Variants in STAB1 observed in about 807,000 individuals in gnomAD.
STAB1 encodes stabilin 1.
A neutral mutation model predicts 332.4 loss-of-function variants in STAB1; 250 were observed. The observed-to-expected ratio is 0.75, with a 90% CI of 0.68 to 0.84. STAB1 has a LOEUF of 0.84. Among genes scored for constraint, STAB1 ranks in the 40% least tolerant of loss-of-function variants. The pLI, the probability that STAB1 is intolerant of heterozygous loss-of-function variation, is 0.00. For missense variants in STAB1, 3,249 were observed against 3,489.7 expected, an observed-to-expected ratio of 0.93 and a Z score of 1.74; for synonymous variants, 1,475 against 1,390.4, an observed-to-expected ratio of 1.06 and a Z score of -1.35.
Position 52,523,976 on chromosome 3 carries a change from GC to G in STAB1, c.7504del (p.Arg2502GlufsTer98), listed in dbSNP as rs2079176691. 2 of 1,611,860 alleles carry G rather than the reference GC, an allele frequency of 1.2e-6. No individual in the cohort carries two copies. Among genetic ancestry groups the G allele is most frequent in the Non-Finnish European group, 1.7e-6 (2 of 1,179,918 alleles). ...GGTGGCCGGAGCTCTCTACCTCCGT[GC>G]CCGAGGCAAGCCCATGGGCTTTGGC... The part of the protein sequence containing the change: ...GLVAGALYLR[A>X]RGKPMGFGFS... On this transcript the variant is annotated frameshift_variant, in exon 67 of 69. Transcript: ENST00000321725. LOFTEE classifies it high-confidence loss of function.
At position 52,514,458 on chromosome 3, in the gene STAB1, C is replaced by T. The variant is rs1314784501; in HGVS notation, c.3640C>T (p.Pro1214Ser). The T allele has an allele frequency of 2.6e-6, 4 of 1,543,542 alleles. No individual in the cohort carries two copies. Among genetic ancestry groups the T allele is most frequent in the African/African-American group, 1.4e-5 (1 of 72,746 alleles). Residue 1214 changes from proline to serine, a missense_variant, in exon 34 of 69, where the codon CCT (proline) becomes TCT (serine). Coordinates refer to ENST00000321725, the MANE Select transcript of STAB1 (RefSeq NM_015136.3). ...TGGACACCGCAACTCCCTCCTGGGC[C>T]CTGCCCACTGGATCGTCTTCTACAA... ...KGGHRNSLLG[P>S]AHWIVFYNHS... is the part of the protein sequence containing the mutation.
chr3:52,519,030 C>T (rs950927101), intron 48 of STAB1, among the ~76,000 whole-genome samples, 161 bp downstream of exon 48: 7 of 151,966 alleles, frequency 4.6e-5, no homozygotes, highest in African/African-American at 1.7e-4. Context: ...TTGACCTGGG[C>T]CTCGCCCACT....
chr3:52,513,021 G>T (rs1004862918), intron 29 of STAB1, 63 bp downstream of exon 29: 1 of 1,576,286 alleles, frequency 6.3e-7, no homozygotes, highest in Non-Finnish European at 8.6e-7. Flanking sequence ...CCTCCCCAGC[G>T]AGTCCTCAGC....
chr3:52,516,208 C>G lies in STAB1; in HGVS notation c.4114C>G (p.Leu1372Val), dbSNP rs748293176. Reference protein sequence around the residue: ...FHGTACEVCELGRYGPNCTGV... With the variant: ...FHGTACEVCEVGRYGPNCTGV... ...TGGAACGGCCTGTGAGGTGTGTGAGCTGGGCCGCTACGGGCCCAACTGCAC... is the reference window on the plus strand; with the variant it reads ...TGGAACGGCCTGTGAGGTGTGTGAGGTGGGCCGCTACGGGCCCAACTGCAC... Residue 1372 changes from leucine (L) to valine (V), a missense_variant, in exon 38 of 69, where the codon CTG becomes GTG. Physicochemically the swap from Leu to Val is conservative, Grantham distance 32 (BLOSUM62 1). Transcript: ENST00000321725. The G allele has an allele frequency of 6.2e-7, 1 of 1,612,042 alleles. No homozygotes were observed. The highest frequency in any genetic ancestry group is 8.5e-7 in the Non-Finnish European group (1 of 1,179,678).
At chr3:52,509,643 G>A (rs1229514486) in intron 22 of STAB1, among the ~76,000 whole-genome samples, 1 of 152,232 alleles carries the variant, frequency 6.6e-6, no homozygotes. Flanking sequence ...CTTCCTGATG[G>A]TGGTGTTGGG....
rs543692942 is a variant in STAB1, at chr3:52,502,900, C to A, written c.584-99C>A. ...GTCCAGAGGCCCAGCAAGGTCAGGG[C>A]CCTGCTCCAAGTCACACAGAACAGG... On this transcript the variant is annotated intron_variant, in intron 6 of 68. Transcript: ENST00000321725. The A allele has an allele frequency of 1.0e-3, 1,316 of 1,274,888 alleles. 1 individual carries two copies. Among genetic ancestry groups the A allele is most frequent in the Admixed American group, 1.4e-3 (60 of 42,262 alleles). The allele number at this position is 1,274,888 out of a possible 1,614,324, so 79.0% of individuals were successfully genotyped here.
In STAB1 at chr3:52,505,941, G is replaced by A. The variant is rs1388096614; in HGVS notation, c.1749+5G>A. 8.1e-6 allele frequency: 13 copies of A among 1,613,400 alleles called. No homozygotes were observed. Among genetic ancestry groups the A allele is most frequent in the African/African-American group, 1.3e-5 (1 of 74,938 alleles). ...CACATCTACAACCACGGCCAGGTGC[G>A]AGGTCTTTTTCTGGGGGGCGGCCAG... On this transcript the variant is annotated splice_donor_5th_base_variant and intron_variant, in intron 16 of 68. Transcript: ENST00000321725.
chr3:52,517,393 G>C lies in STAB1; in HGVS notation c.4563G>C (p.Gln1521His). The change falls in exon 43 of 69, where the codon CAG becomes CAC. Residue 1521 changes from glutamine to histidine, a missense_variant and splice_region_variant. Physicochemically the swap from Gln to His is conservative, Grantham distance 24. Coordinates refer to ENST00000321725, the MANE Select transcript of STAB1 (RefSeq NM_015136.3). ...HAECIPTGPQQVSCSCREGYS... is the reference protein window; with the variant it reads ...HAECIPTGPQHVSCSCREGYS... Reference sequence around the variant, plus strand: ...AGTGCATCCCCACTGGCCCCCAGCAGGTCAGCATGGCAGGGTTGGACATGG... The same window carrying C: ...AGTGCATCCCCACTGGCCCCCAGCACGTCAGCATGGCAGGGTTGGACATGG... 6.2e-7 allele frequency: 1 copy of C among 1,601,658 alleles called. No individual in the cohort carries two copies. The highest frequency in any genetic ancestry group is 2.2e-5 in the East Asian group (1 of 44,744).
In STAB1 at chr3:52,520,666, G is replaced by C. The variant is rs747101491; in HGVS notation, c.5674G>C (p.Glu1892Gln). Residue 1892 changes from glutamate to glutamine, a missense_variant, in exon 54 of 69, where the codon GAG becomes CAG. Coordinates refer to ENST00000321725, the MANE Select transcript of STAB1 (RefSeq NM_015136.3). ...GAACACCTGCAGCATCTGTGGGCTG[G>C]AGCCACCCTGTCCTGAGGGGTCACA... Reference protein sequence around the residue: ...RLNTCSICGLEPPCPEGSQEQ... With the variant: ...RLNTCSICGLQPPCPEGSQEQ... The C allele has an allele frequency of 3.7e-6, 6 of 1,612,028 alleles. No individual in the cohort carries two copies. The highest frequency in any genetic ancestry group is 5.1e-6 in the Non-Finnish European group (6 of 1,179,802).
At position 52,513,122 on chromosome 3, in the gene STAB1, CCT is replaced by C; in HGVS notation, c.3159-7_3159-6del. ...ATTCCATGACCCCCCTAAACTGTGC[CCT>C]GTCAGGGCCCATTTTCTCCAGGGTG... is the stretch of plus-strand genomic sequence containing the variant. On this transcript the variant is annotated splice_region_variant and splice_polypyrimidine_tract_variant and intron_variant, in intron 29 of 68. Coordinates refer to ENST00000321725, the MANE Select transcript of STAB1 (RefSeq NM_015136.3). 6.4e-7 allele frequency: 1 copy of C among 1,560,660 alleles called. No homozygotes were observed. Among genetic ancestry groups the C allele is most frequent in the Admixed American group, 1.9e-5 (1 of 51,782 alleles).
At chr3:52,498,274 G>A (rs561217178) in intron 1 of STAB1, among the ~76,000 whole-genome samples, 1 of 151,988 alleles carries the variant, frequency 6.6e-6, no homozygotes, top group Non-Finnish European at 1.5e-5. Flanking sequence ...GTGTGGGGTT[G>A]GGGGGGAGAC....
chr3:52,522,087 T>C lies in STAB1; in HGVS notation c.6322T>C (p.Cys2108Arg). 6.2e-7 allele frequency: 1 copy of C among 1,613,242 alleles called. No individual in the cohort carries two copies. The highest frequency in any genetic ancestry group is 8.5e-7 in the Non-Finnish European group (1 of 1,180,022). ...GHGGCSEHAN[C>R]SQVGTMVTCT... ...TGGTGGCTGCAGTGAGCACGCCAACTGTAGCCAGGTAGGAACAATGGTCAC... is the reference window on the plus strand; with the variant it reads ...TGGTGGCTGCAGTGAGCACGCCAACCGTAGCCAGGTAGGAACAATGGTCAC... Residue 2108 changes from cysteine (C) to arginine (R), a missense_variant, in exon 59 of 69, where the codon TGT (cysteine) becomes CGT (arginine). Physicochemically the swap from Cys to Arg is radical, Grantham distance 180. Transcript: ENST00000321725.
Position 52,514,472 on chromosome 3 carries a change from C to A in STAB1, c.3654C>A (p.Ile1218=). The A allele has an allele frequency of 6.5e-7, 1 of 1,532,080 alleles. No homozygotes were observed. The highest frequency in any genetic ancestry group is 8.8e-7 in the Non-Finnish European group (1 of 1,140,660). 94.9% of individuals were successfully genotyped at this position (1,532,080 alleles called of 1,614,324 possible). The change falls in exon 34 of 69, where the codon ATC becomes ATA. Residue 1218 remains isoleucine (I), a synonymous_variant. Transcript: ENST00000321725. ...RNSLLGPAHW[I]VFYNHSGQPE... is the part of the protein sequence containing the mutation. ...CCCTCCTGGGCCCTGCCCACTGGAT[C>A]GTCTTCTACAACCACAGTGGCCAGG...
At chr3:52,510,573 C>A in intron 25 of STAB1, 66 bp downstream of exon 25, 1 of 1,547,988 alleles carries the variant, frequency 6.5e-7, no homozygotes, top group Non-Finnish European at 8.7e-7. Context: ...CCCCATCTGA[C>A]TCCTGGAATG....
chr3:52,502,787 G>C, intron 6 of STAB1, 60 bp downstream of exon 6: 5 of 1,553,770 alleles, frequency 3.2e-6, no homozygotes, highest in Non-Finnish European at 3.5e-6. Context: ...AGCAAAAGAG[G>C]CCGACTGGGT....
In STAB1 at chr3:52,501,202, G is replaced by T. The variant is rs754666397; in HGVS notation, c.115G>T (p.Val39Phe). The T allele has an allele frequency of 1.2e-6, 2 of 1,613,682 alleles. No individual in the cohort carries two copies. The highest frequency in any genetic ancestry group is 1.7e-5 in the Admixed American group (1 of 60,026). Reference protein sequence around the residue: ...FKGCDVKTTFVTHVPCTSCAA... With the variant: ...FKGCDVKTTFFTHVPCTSCAA... ...AGGCTGTGATGTGAAAACCACGTTT[G>T]TCACTCATGTACCCTGCACCTCGTG... is the stretch of plus-strand genomic sequence containing the variant. Residue 39 changes from valine (V) to phenylalanine (F), a missense_variant, in exon 2 of 69, where the codon GTC (valine) becomes TTC (phenylalanine). Physicochemically the swap from Val to Phe is conservative, Grantham distance 50. Coordinates refer to ENST00000321725, the MANE Select transcript of STAB1 (RefSeq NM_015136.3).
Position 52,502,612 on chromosome 3 carries a change from T to A in STAB1, c.488-20T>A, listed in dbSNP as rs766830989. 6.2e-7 allele frequency: 1 copy of A among 1,602,006 alleles called. No homozygotes were observed. The highest frequency in any genetic ancestry group is 8.5e-7 in the Non-Finnish European group (1 of 1,170,408). Reference sequence around the variant, plus strand: ...CTGGGAGAGGCTGGGGCCCCATCTGTCTCTGTGTGTCCCTCCCAGTGTGCA... The same window carrying A: ...CTGGGAGAGGCTGGGGCCCCATCTGACTCTGTGTGTCCCTCCCAGTGTGCA... On this transcript the variant is annotated intron_variant, in intron 5 of 68. Coordinates refer to ENST00000321725, the MANE Select transcript of STAB1 (RefSeq NM_015136.3).
Position 52,497,666 on chromosome 3 carries a change from G to A in STAB1, c.78+2175G>A, listed in dbSNP as rs1708140220. Among the ~76,000 whole-genome samples, 5 of 151,894 alleles carry A rather than the reference G, an allele frequency of 3.3e-5. No individual in the cohort carries two copies. The South Asian group carries it at 1.0e-3, about 32-fold the overall frequency. On this transcript the variant is annotated intron_variant, in intron 1 of 68. Coordinates refer to ENST00000321725, the MANE Select transcript of STAB1 (RefSeq NM_015136.3). ...GATGTCAGGTGATCTACCCTCTTCG[G>A]CCTCCCAAAGTGCTGGGATTACAGA...
chr3:52,510,530 TG>T (rs761646750), intron 25 of STAB1, 23 bp downstream of exon 25: 1 of 1,604,796 alleles, frequency 6.2e-7, no homozygotes, highest in Middle Eastern at 1.7e-4. Context: ...AGAGAAGGGG[TG>T]GGGGCCTTGG....
Sources: allele counts gnomAD v4.1 joint callset (sites outside exome capture counted in the v4.1 genomes callset), GRCh38; gene constraint gnomAD v4.1.1; transcripts MANE v1.5; gene names NCBI Gene and HGNC (gene_info 2026-07-23, HGNC 2026-07-21).